The following GNB4 variants were observed in gnomAD, a reference collection of about 807,000 sequenced individuals.
GNB4 encodes the protein G protein subunit beta 4.
GNB4 carries 28 observed loss-of-function variants against 45.2 expected under a neutral mutation model. The observed-to-expected ratio is 0.62, with a 90% CI of 0.46 to 0.85. GNB4 has a LOEUF of 0.85. Among genes scored for constraint, GNB4 ranks in the 40% least tolerant of loss-of-function variants. The probability of loss-of-function intolerance (pLI) is 0.00; values close to 1 mark genes in which losing one functional copy is unlikely to be tolerated. For synonymous variants in GNB4, 132 were observed against 143.7 expected (o/e 0.92, Z 0.58); for missense variants, 321 against 425.4 (o/e 0.75, Z 2.16).
chr3:179,454,377 G>A (rs1473857829), upstream of GNB4, among the ~76,000 whole-genome samples: 1 of 152,202 alleles, frequency 6.6e-6, no homozygotes, highest in African/African-American at 2.4e-5. Flanking sequence ...TTGGCTGCTT[G>A]TTTTATGCAA....
intron 8 of GNB4, among the ~76,000 whole-genome samples, chr3:179,409,683 G>A (rs756997906): frequency 2.5e-4 from 38 of 151,712 alleles, no homozygotes; most frequent in Admixed American, 1.5e-3. Context: ...GGTGGTGTGC[G>A]CCTGTAGTCT....
chr3:179,427,126 C>A (rs986774739), intron 1 of GNB4, among the ~76,000 whole-genome samples: 1 of 151,928 alleles, frequency 6.6e-6, no homozygotes, highest in African/African-American at 2.4e-5. Flanking sequence ...TTGGATAGCT[C>A]CTGTCTCTGA....
intron 1 of GNB4, among the ~76,000 whole-genome samples, chr3:179,448,168 T>C (rs1040718759): frequency 6.6e-6 from 1 of 152,222 alleles, no homozygotes; most frequent in Admixed American, 6.5e-5. Flanking sequence ...GATTTTCTTT[T>C]TGAAGCAAAG....
chr3:179,476,686 A>G, the GNB4 span, among the ~76,000 whole-genome samples: 7 of 152,330 alleles, frequency 4.6e-5, no homozygotes, highest in East Asian at 1.3e-3. Flanking sequence ...GGAGAAAGCC[A>G]TGTCCCTGCA....
At chr3:179,438,377 C>G (rs1715513857) in intron 1 of GNB4, among the ~76,000 whole-genome samples, 1 of 152,190 alleles carries the variant, frequency 6.6e-6, no homozygotes, top group South Asian at 2.1e-4. Context: ...CTCTAAGTCT[C>G]CATTCCTTCA....
At chr3:179,410,347 TATTG>T (rs1342696407) in intron 8 of GNB4, 3 of 152,192 alleles carry the variant, frequency 2.0e-5, no homozygotes, top group Non-Finnish European at 4.4e-5. Flanking sequence ...TTGATTTATT[TATTG>T]ATTGATAGAT....
At chr3:179,483,592 A>C in the GNB4 span, among the ~76,000 whole-genome samples, 14 of 152,220 alleles carry the variant, frequency 9.2e-5, no homozygotes, top group African/African-American at 3.1e-4. Context: ...GGGACTATAT[A>C]GTAGATTTAC....
At position 179,417,409 on chromosome 3, in the gene GNB4, A is replaced by ATTT. The variant is rs35958397; in HGVS notation, c.204-856_204-854dup. On this transcript the variant is annotated intron_variant, in intron 4 of 9. Coordinates refer to ENST00000232564, the MANE Select transcript of GNB4 (RefSeq NM_021629.4). ...CCACTAAATTTTTTGTTTTGTTTGG[A>ATTT]TTTTTTTTTTTTTTTTGAGACAGAC... Among the ~76,000 whole-genome samples, 956 of 143,378 alleles carry ATTT rather than the reference A, an allele frequency of 6.7e-3. 14 individuals carry two copies. Among genetic ancestry groups the ATTT allele is most frequent in the African/African-American group, 0.023 (920 of 39,166 alleles). The allele number at this position is 143,378 out of a possible 152,430, so 94.1% of individuals were successfully genotyped here. A position where few individuals can be genotyped will look rare whatever the true frequency, so the allele number is the denominator to read the frequency against.
At chr3:179,460,931 C>A in the GNB4 span, among the ~76,000 whole-genome samples, 1 of 152,148 alleles carries the variant, frequency 6.6e-6, no homozygotes, top group Non-Finnish European at 1.5e-5. Context: ...GCAGGAAATA[C>A]AGATGTTTAA....
At chr3:179,418,394 TG>T (rs144067836) in intron 4 of GNB4, among the ~76,000 whole-genome samples, 3,651 of 139,218 alleles carry the variant, frequency 0.026, 163 homozygotes, top group African/African-American at 0.093. Context: ...CCCTTGAACC[TG>T]GGAGGCAGAG....
At chr3:179,501,648 T>C in the GNB4 span, among the ~76,000 whole-genome samples, 4 of 152,174 alleles carry the variant, frequency 2.6e-5, no homozygotes, top group African/African-American at 9.7e-5. Context: ...TCTTATTTCC[T>C]CTTGGACATT....
chr3:179,517,172 A>C, the GNB4 span, among the ~76,000 whole-genome samples: 8 of 152,172 alleles, frequency 5.3e-5, no homozygotes, highest in Middle Eastern at 3.4e-3. Flanking sequence ...TCCACCACAA[A>C]AGAAGTGAAA....
the GNB4 span, among the ~76,000 whole-genome samples, chr3:179,472,632 G>A: frequency 6.6e-6 from 1 of 151,824 alleles, no homozygotes; most frequent in South Asian, 2.1e-4. Context: ...CCAAAGTACT[G>A]GGATTACAGG....
At chr3:179,481,973 G>C in the GNB4 span, among the ~76,000 whole-genome samples, 1 of 152,114 alleles carries the variant, frequency 6.6e-6, no homozygotes, top group Non-Finnish European at 1.5e-5. Context: ...CACAATCACA[G>C]CTCAATATAG....
At chr3:179,441,667 G>A (rs1349880825) in intron 1 of GNB4, among the ~76,000 whole-genome samples, 4 of 150,314 alleles carry the variant, frequency 2.7e-5, no homozygotes, top group Admixed American at 6.6e-5. Flanking sequence ...CAGGAGAATC[G>A]TTTGAACCCG....
the GNB4 span, among the ~76,000 whole-genome samples, chr3:179,495,639 C>CAGGGAGGGAGGGA: frequency 7.3e-6 from 1 of 137,790 alleles, no homozygotes; most frequent in South Asian, 2.3e-4. Context: ...GGCAGGGAGG[C>CAGGGAGGGAGGGA]AGGGAGGGAG....
At chr3:179,498,687 C>T in the GNB4 span, among the ~76,000 whole-genome samples, 41 of 151,532 alleles carry the variant, frequency 2.7e-4, no homozygotes, top group East Asian at 7.8e-3. Flanking sequence ...CCTGCCTTGG[C>T]CTCCCAAAAT....
At chr3:179,488,561 A>G in the GNB4 span, among the ~76,000 whole-genome samples, 1 of 152,272 alleles carries the variant, frequency 6.6e-6, no homozygotes, top group East Asian at 1.9e-4. Context: ...TTTAAAATTT[A>G]TACACTGTGT....
chr3:179,431,296 C>T (rs1420459791), intron 1 of GNB4, among the ~76,000 whole-genome samples: 2 of 152,126 alleles, frequency 1.3e-5, no homozygotes, highest in African/African-American at 4.8e-5. Context: ...GTTGCTCATA[C>T]CTGTAATCCC....
Sources: allele counts gnomAD v4.1 joint callset (sites outside exome capture counted in the v4.1 genomes callset), GRCh38; gene constraint gnomAD v4.1.1; transcripts MANE v1.5; gene names NCBI Gene and HGNC (gene_info 2026-07-23, HGNC 2026-07-21).